Variants in WNK3 observed in about 807,000 individuals in gnomAD.
WNK3 encodes serine/threonine-protein kinase WNK3.
Under a neutral mutation model 116.7 loss-of-function variants are expected in WNK3, and 18 were observed. The observed-to-expected ratio is 0.15, with a 90% CI of 0.11 to 0.23. The LOEUF (loss-of-function observed/expected upper bound fraction) is 0.23, where lower values mean the gene tolerates loss of function less well. Among genes scored for constraint, WNK3 ranks in the 10% least tolerant of loss-of-function variants. The probability of loss-of-function intolerance (pLI) is 1.00; values close to 1 mark genes in which losing one functional copy is unlikely to be tolerated. For missense variants in WNK3, 993 were observed against 1,323.8 expected, an observed-to-expected ratio of 0.75 and a Z score of 3.88; for synonymous variants, 404 against 469.4, an observed-to-expected ratio of 0.86 and a Z score of 1.80.
At chrX:54,307,444 TAGAAA>T (rs2068838804) in intron 5 of WNK3, among the ~76,000 whole-genome samples, 1 of 110,905 alleles carries the variant, frequency 9.0e-6, no homozygotes, top group Non-Finnish European at 1.9e-5. Context: ...ATTCCCTTAT[TAGAAA>T]TGTAAGCTCT....
At chrX:54,235,662 G>C (rs1429708063) in intron 20 of WNK3, among the ~76,000 whole-genome samples, 1 of 111,931 alleles carries the variant, frequency 8.9e-6, no homozygotes, top group Admixed American at 9.6e-5. Flanking sequence ...TCCCAGAACA[G>C]TGTGGAAATT....
chrX:54,224,603 T>G (rs1318742252), intron 22 of WNK3, among the ~76,000 whole-genome samples: 4 of 108,450 alleles, frequency 3.7e-5, no homozygotes, highest in Non-Finnish European at 7.7e-5. Context: ...GGAGTCTCGC[T>G]CTGTCGCCCA....
intron 10 of WNK3, among the ~76,000 whole-genome samples, chrX:54,271,775 G>C (rs1324222995): frequency 3.6e-5 from 4 of 111,791 alleles, no homozygotes; most frequent in Non-Finnish European, 7.5e-5. Flanking sequence ...CCAAATTGAA[G>C]AGTTCAACTG....
At chrX:54,297,933 C>T (rs2068715887) in intron 7 of WNK3, among the ~76,000 whole-genome samples, 1 of 109,360 alleles carries the variant, frequency 9.1e-6, no homozygotes. Context: ...ATTAGCCGGG[C>T]GTGGTGGCGG....
intron 1 of WNK3, among the ~76,000 whole-genome samples, chrX:54,339,494 C>A (rs2069290304): frequency 9.0e-6 from 1 of 111,492 alleles, no homozygotes; most frequent in South Asian, 3.8e-4. Flanking sequence ...AGCATGCTCT[C>A]CTACCAAAAA....
intron 10 of WNK3, among the ~76,000 whole-genome samples, chrX:54,279,217 C>CAA (rs1214547740): frequency 1.0e-5 from 1 of 99,922 alleles, no homozygotes. Context: ...AAGCACAATC[C>CAA]AAAAAAAAAA....
chrX:54,278,418 T>TAA (rs1212437148), intron 10 of WNK3, among the ~76,000 whole-genome samples: 3 of 99,286 alleles, frequency 3.0e-5, no homozygotes, highest in African/African-American at 1.1e-4. Context: ...CCAGAAGAGC[T>TAA]AAAAAAAAAA....
chrX:54,333,543 C>T, exon 2 of WNK3: 1 of 1,211,138 alleles, frequency 8.3e-7, no homozygotes, highest in South Asian at 1.8e-5. Flanking sequence ...AGAGAAGGTA[C>T]TGTTTTTCTC....
In WNK3 at chrX:54,222,915, A is replaced by AT. The variant is rs1557146885; in HGVS notation, c.4870+5798_4870+5799insA. Among the ~76,000 whole-genome samples, 171 of 80,993 alleles carry AT rather than the reference A, an allele frequency of 2.1e-3. 1 individual carries two copies. The highest frequency in any genetic ancestry group is 6.9e-3 in the African/African-American group (118 of 17,224). 70.3% of individuals were successfully genotyped at this position (80,993 alleles called of 115,157 possible). Reference sequence around the variant, plus strand: ...ATAGTATAATAATAATAATAATAATAATATATATATATATATATATATATA... The same window carrying AT: ...ATAGTATAATAATAATAATAATAATATATATATATATATATATATATATATA... On this transcript the variant is annotated intron_variant, in intron 22 of 23. Coordinates refer to ENST00000354646, the Ensembl canonical transcript of WNK3.
intron 2 of WNK3, among the ~76,000 whole-genome samples, chrX:54,323,674 C>T (rs1230550646): frequency 6.3e-5 from 7 of 110,812 alleles, no homozygotes; most frequent in African/African-American, 2.3e-4. Context: ...TACTGTCAAC[C>T]CTACCATTTC....
intron 17 of WNK3, 66 bp from the exon 18 acceptor site, chrX:54,239,165 A>C: frequency 5.1e-5 from 40 of 778,054 alleles, no homozygotes; most frequent in Non-Finnish European, 5.7e-5. Context: ...CAACCGAGAA[A>C]AACCAAAGTG....
At chrX:54,327,202 G>A (rs1557173626) in intron 2 of WNK3, among the ~76,000 whole-genome samples, 1 of 112,153 alleles carries the variant, frequency 8.9e-6, no homozygotes, top group Non-Finnish European at 1.9e-5. Context: ...GTTCTTTGCA[G>A]CACCATAAGG....
chrX:54,270,578 TTTTTAA>T (rs1324605516), intron 10 of WNK3, among the ~76,000 whole-genome samples: 1 of 108,866 alleles, frequency 9.2e-6, no homozygotes, highest in Admixed American at 9.9e-5. Context: ...TAATTTTTTT[TTTTTAA>T]TTTTAAGTTC....
intron 1 of WNK3, among the ~76,000 whole-genome samples, chrX:54,334,800 TA>T (rs1274240599): frequency 8.9e-6 from 1 of 112,468 alleles, no homozygotes; most frequent in African/African-American, 3.2e-5. Context: ...CGTATTCTTT[TA>T]AACTAGCAAT....
chrX:54,235,656 A>T (rs1452864802), intron 20 of WNK3, among the ~76,000 whole-genome samples: 1 of 111,852 alleles, frequency 8.9e-6, no homozygotes, highest in Non-Finnish European at 1.9e-5. Context: ...TTCAAGTCCC[A>T]GAACAGTGTG....
chrX:54,237,378 A>G, exon 20 of WNK3: 1 of 1,208,523 alleles, frequency 8.3e-7, no homozygotes, highest in African/African-American at 1.7e-5. Flanking sequence ...GTAACTTCTC[A>G]TAAGAAAACG....
At chrX:54,216,519 A>G in intron 22 of WNK3, among the ~76,000 whole-genome samples, 1 of 110,521 alleles carries the variant, frequency 9.0e-6, no homozygotes. Context: ...ATAAGAACCT[A>G]GACTAGAATT....
intron 2 of WNK3, among the ~76,000 whole-genome samples, chrX:54,325,401 G>A (rs1026038512): frequency 1.8e-5 from 2 of 110,412 alleles, no homozygotes; most frequent in African/African-American, 3.3e-5. Context: ...TCCATTGGCC[G>A]GGCGTTGTGG....
intron 2 of WNK3, among the ~76,000 whole-genome samples, chrX:54,332,139 C>G (rs1219703766): frequency 8.9e-6 from 1 of 111,969 alleles, no homozygotes; most frequent in Non-Finnish European, 1.9e-5. Context: ...GATGTTCTGT[C>G]CCTATTTAGT....
Sources: gnomAD v4.1 joint callset for allele counts (sites outside exome capture counted in the v4.1 genomes callset) on GRCh38, gnomAD v4.1.1 for gene constraint, MANE v1.5 for transcripts, NCBI Gene and HGNC (gene_info 2026-07-23, HGNC 2026-07-21) for gene names.